The following DSCAM variants were observed in gnomAD, a reference collection of about 807,000 sequenced individuals.
DSCAM encodes the protein DS cell adhesion molecule, also known as cell adhesion molecule DSCAM.
Under a neutral mutation model 217.7 loss-of-function variants are expected in DSCAM, and 47 were observed. The observed-to-expected ratio is 0.22, with a 90% CI of 0.17 to 0.28. The LOEUF is 0.28. Among genes scored for constraint, DSCAM ranks in the 10% least tolerant of loss-of-function variants. The probability of loss-of-function intolerance (pLI) is 1.00; values close to 1 mark genes in which losing one functional copy is unlikely to be tolerated. For missense variants in DSCAM, 2,080 were observed against 2,618.3 expected (o/e 0.79, Z 4.49); for synonymous variants, 1,056 against 1,015.3 (o/e 1.04, Z -0.76).
At chr21:40,798,011 G>A (rs2091706951) in intron 1 of DSCAM, among the ~76,000 whole-genome samples, 1 of 151,850 alleles carries the variant, frequency 6.6e-6, no homozygotes, top group Non-Finnish European at 1.5e-5. Flanking sequence ...CACAATGTAA[G>A]TATGTGCATA....
chr21:40,480,536 G>A (rs2145986070), intron 3 of DSCAM, among the ~76,000 whole-genome samples: 1 of 152,276 alleles, frequency 6.6e-6, no homozygotes, highest in South Asian at 2.1e-4. Flanking sequence ...ATAGTCAAGA[G>A]GAATTTTTAA....
chr21:40,445,116 C>T (rs2075663868), intron 3 of DSCAM, among the ~76,000 whole-genome samples: 1 of 152,204 alleles, frequency 6.6e-6, no homozygotes, highest in Non-Finnish European at 1.5e-5. Context: ...AGAGACAAGG[C>T]AGCCCCTTCA....
chr21:40,471,398 G>A (rs192761018), intron 3 of DSCAM, among the ~76,000 whole-genome samples: 2 of 152,288 alleles, frequency 1.3e-5, no homozygotes, highest in Admixed American at 1.3e-4. Context: ...CTAGGCAGTG[G>A]TAGGGCAGGT....
intron 3 of DSCAM, among the ~76,000 whole-genome samples, chr21:40,633,581 C>T (rs1205785849): frequency 3.3e-5 from 5 of 152,178 alleles, no homozygotes; most frequent in African/African-American, 1.2e-4. Flanking sequence ...CATTTGAAGC[C>T]TGTGTATCCA....
chr21:40,676,588 T>C (rs1258512126), intron 3 of DSCAM, among the ~76,000 whole-genome samples: 1 of 152,230 alleles, frequency 6.6e-6, no homozygotes, highest in Non-Finnish European at 1.5e-5. Flanking sequence ...TAAAAATTTT[T>C]TTACTTAGAG....
At chr21:40,029,263 T>TACTTAA (rs2088470596) in intron 32 of DSCAM, among the ~76,000 whole-genome samples, 1 of 152,144 alleles carries the variant, frequency 6.6e-6, no homozygotes, top group African/African-American at 2.4e-5. Flanking sequence ...TACATGAAGC[T>TACTTAA]ACTTAATTCA....
chr21:40,821,992 G>A (rs568575541), intron 1 of DSCAM, among the ~76,000 whole-genome samples: 5 of 150,618 alleles, frequency 3.3e-5, no homozygotes, highest in East Asian at 1.9e-4. Flanking sequence ...ACAAATCTGC[G>A]CATGTATCCC....
intron 3 of DSCAM, among the ~76,000 whole-genome samples, chr21:40,461,324 A>G (rs939032012): frequency 1.3e-5 from 2 of 152,228 alleles, no homozygotes; most frequent in Non-Finnish European, 2.9e-5. Flanking sequence ...GATGAACATT[A>G]TAACAATAAT....
intron 11 of DSCAM, among the ~76,000 whole-genome samples, chr21:40,198,124 T>G (rs1187199722): frequency 6.6e-6 from 1 of 152,180 alleles, no homozygotes; most frequent in Non-Finnish European, 1.5e-5. Flanking sequence ...CGCAAGCCTA[T>G]TGCATATTTG....
chr21:40,501,161 G>A (rs2146036082), intron 3 of DSCAM, among the ~76,000 whole-genome samples: 1 of 152,188 alleles, frequency 6.6e-6, no homozygotes, highest in East Asian at 1.9e-4. Flanking sequence ...TAATTTTTAG[G>A]ATAAGTATGC....
At chr21:40,267,305 T>C (rs1038168345) in intron 11 of DSCAM, among the ~76,000 whole-genome samples, 1 of 152,066 alleles carries the variant, frequency 6.6e-6, no homozygotes, top group African/African-American at 2.4e-5. Context: ...CTAAAGTAAT[T>C]ATGAACAATT....
rs191001046 is a variant in DSCAM at position 40,817,950 on chromosome 21, G to T, written c.43+28669C>A. Among the ~76,000 whole-genome samples, 1,151 of 150,798 alleles carry T rather than the reference G, an allele frequency of 7.6e-3. 10 individuals carry two copies. The highest frequency in any genetic ancestry group is 0.027 in the African/African-American group (1,095 of 41,018). On this transcript the variant is annotated intron_variant, in intron 1 of 32. Transcript: ENST00000400454. ...TCTCTACTAAAAATACAAAAAATTA[G>T]CCGGGCGCGGTGGCGGGCGCCTGTA...
chr21:40,677,338 A>G (rs1433885268), intron 3 of DSCAM, among the ~76,000 whole-genome samples: 1 of 152,114 alleles, frequency 6.6e-6, no homozygotes, highest in African/African-American at 2.4e-5. Flanking sequence ...ACGATCCAAC[A>G]TCTATATCAG....
At chr21:40,516,152 A>G (rs1210239559) in intron 3 of DSCAM, among the ~76,000 whole-genome samples, 2 of 152,036 alleles carry the variant, frequency 1.3e-5, no homozygotes, top group African/African-American at 4.8e-5. Flanking sequence ...CTTTCAAAAG[A>G]AAACCAAGCA....
chr21:40,734,934 A>G (rs2091048540), intron 1 of DSCAM, among the ~76,000 whole-genome samples: 1 of 152,250 alleles, frequency 6.6e-6, no homozygotes, highest in Non-Finnish European at 1.5e-5. Context: ...GAGAGTAGAC[A>G]AAGTAAGAAG....
intron 3 of DSCAM, among the ~76,000 whole-genome samples, chr21:40,536,914 C>T (rs76933180): frequency 0.03 from 4,642 of 152,230 alleles, 223 homozygotes; most frequent in African/African-American, 0.1. Flanking sequence ...AGGCATGGTG[C>T]CTCCTTGTGC....
intron 3 of DSCAM, among the ~76,000 whole-genome samples, chr21:40,536,694 C>CCG (rs1375595178): frequency 5.9e-5 from 9 of 152,214 alleles, no homozygotes; most frequent in Non-Finnish European, 1.2e-4. Context: ...GCGTGAGCCA[C>CCG]TGCACCCGGT....
intron 1 of DSCAM, among the ~76,000 whole-genome samples, chr21:40,829,291 A>C (rs564107324): frequency 5.3e-4 from 81 of 152,318 alleles, no homozygotes; most frequent in African/African-American, 1.8e-3. Context: ...GAGTCTGGGA[A>C]AGGAAGGGGA....
At chr21:40,100,202 T>C (rs763104360) in intron 20 of DSCAM, among the ~76,000 whole-genome samples, 1 of 152,204 alleles carries the variant, frequency 6.6e-6, no homozygotes, top group Non-Finnish European at 1.5e-5. Context: ...TCAATCATTA[T>C]TAACCATTTT....
Sources: gnomAD v4.1 joint callset for allele counts (sites outside exome capture counted in the v4.1 genomes callset) on GRCh38, gnomAD v4.1.1 for gene constraint, MANE v1.5 for transcripts, NCBI Gene and HGNC (gene_info 2026-07-23, HGNC 2026-07-21) for gene names.